Variants in RSU1 observed in about 807,000 individuals in gnomAD.
RSU1 encodes the protein Ras suppressor protein 1.
RSU1 carries 26 observed loss-of-function variants against 31.1 expected under a neutral mutation model. That is an observed-to-expected ratio of 0.84 (90% confidence interval 0.61 to 1.16). RSU1 has a LOEUF of 1.16. Ranked by LOEUF, RSU1 falls within the 50% of genes most tolerant of loss-of-function variation. The pLI is 0.00. For synonymous variants in RSU1, 164 were observed against 136.3 expected, an observed-to-expected ratio of 1.20 and a Z score of -1.41; for missense variants, 320 against 339.1, an observed-to-expected ratio of 0.94 and a Z score of 0.44.
intron 5 of RSU1, among the ~76,000 whole-genome samples, chr10:16,753,403 T>G (rs1837018828): frequency 6.6e-6 from 1 of 152,210 alleles, no homozygotes; most frequent in Non-Finnish European, 1.5e-5. Context: ...AAGGGTTCTT[T>G]CAAGAGAATA....
chr10:16,719,977 T>G (rs1441881850), intron 7 of RSU1, among the ~76,000 whole-genome samples: 1 of 152,182 alleles, frequency 6.6e-6, no homozygotes, highest in Admixed American at 6.5e-5. Flanking sequence ...TTGAGGTGCT[T>G]TGCAGCCAAG....
At chr10:16,641,289 A>C (rs535458309) in intron 8 of RSU1, among the ~76,000 whole-genome samples, 1 of 152,268 alleles carries the variant, frequency 6.6e-6, no homozygotes, top group South Asian at 2.1e-4. Flanking sequence ...GACTTTAAAA[A>C]GTTTCAGCCT....
intron 8 of RSU1, among the ~76,000 whole-genome samples, chr10:16,675,797 C>G (rs752462527): frequency 1.3e-4 from 20 of 152,194 alleles, no homozygotes; most frequent in Non-Finnish European, 2.6e-4. Context: ...AGCTGGCAGA[C>G]CTGACATCAC....
intron 8 of RSU1, among the ~76,000 whole-genome samples, chr10:16,674,024 C>T (rs904308646): frequency 2.0e-5 from 3 of 152,130 alleles, no homozygotes; most frequent in Non-Finnish European, 2.9e-5. Flanking sequence ...AGGCTCTCAG[C>T]AGCCAATATC....
At chr10:16,623,131 A>G (rs1834098459) in intron 8 of RSU1, among the ~76,000 whole-genome samples, 1 of 152,138 alleles carries the variant, frequency 6.6e-6, no homozygotes, top group Non-Finnish European at 1.5e-5. Context: ...TAATGAACCC[A>G]TTGACCATGT....
intron 8 of RSU1, among the ~76,000 whole-genome samples, chr10:16,629,265 G>A (rs1389933725): frequency 6.6e-6 from 1 of 152,040 alleles, no homozygotes; most frequent in Non-Finnish European, 1.5e-5. Context: ...TGCTGTTTGG[G>A]AGACCCTACT....
intron 8 of RSU1, among the ~76,000 whole-genome samples, chr10:16,626,611 C>G (rs993581419): frequency 6.6e-6 from 1 of 152,154 alleles, no homozygotes; most frequent in Admixed American, 6.5e-5. Context: ...TCAGACAGAT[C>G]AGAGTCTGAA....
Position 16,593,511 on chromosome 10 carries a change from A to G in RSU1, c.732-15T>C, listed in dbSNP as rs767786515. ...TGCCGTAGAGGCTGCAAAGACAGAGAAAGGACACTATCAGATCTATTTTGC... is the reference window on the plus strand; with the variant it reads ...TGCCGTAGAGGCTGCAAAGACAGAGGAAGGACACTATCAGATCTATTTTGC... On this transcript the variant is annotated splice_polypyrimidine_tract_variant and intron_variant, in intron 8 of 8. Transcript: ENST00000345264. 5.7e-6 allele frequency: 9 copies of G among 1,588,352 alleles called. No homozygotes were observed. Among genetic ancestry groups the G allele is most frequent in the Non-Finnish European group, 7.8e-6 (9 of 1,156,576 alleles).
chr10:16,805,094 G>A (rs1355424864), intron 2 of RSU1, among the ~76,000 whole-genome samples: 5 of 152,012 alleles, frequency 3.3e-5, no homozygotes, highest in Non-Finnish European at 7.4e-5. Context: ...CCAGCTACTC[G>A]GGAGGCTGAG....
chr10:16,624,501 T>C (rs72782553), intron 8 of RSU1, among the ~76,000 whole-genome samples: 19,254 of 152,010 alleles, frequency 0.13, 1,288 homozygotes, highest in Non-Finnish European at 0.16. Context: ...TGCCAGGTGG[T>C]CCGTAACCAC....
intron 8 of RSU1, among the ~76,000 whole-genome samples, chr10:16,639,147 A>G (rs548843915): frequency 3.9e-5 from 6 of 152,204 alleles, no homozygotes; most frequent in Non-Finnish European, 7.3e-5. Context: ...ATTATGTATA[A>G]ATTATTAAGT....
At chr10:16,622,600 A>T (rs1169134807) in intron 8 of RSU1, among the ~76,000 whole-genome samples, 2 of 152,164 alleles carry the variant, frequency 1.3e-5, no homozygotes, top group Non-Finnish European at 2.9e-5. Flanking sequence ...ACTCAGTGAG[A>T]ATAGATATGG....
intron 7 of RSU1, among the ~76,000 whole-genome samples, chr10:16,709,785 A>G (rs1184144470): frequency 6.6e-6 from 1 of 152,094 alleles, no homozygotes; most frequent in Non-Finnish European, 1.5e-5. Context: ...TTGGCTGCAT[A>G]AATGTCTTCT....
At chr10:16,730,866 C>A (rs1358491453) in intron 7 of RSU1, among the ~76,000 whole-genome samples, 1 of 152,120 alleles carries the variant, frequency 6.6e-6, no homozygotes, top group African/African-American at 2.4e-5. Flanking sequence ...CTCTGTCGCC[C>A]AGACTGCAGT....
intron 8 of RSU1, among the ~76,000 whole-genome samples, chr10:16,619,817 T>C (rs1834038233): frequency 6.6e-6 from 1 of 152,228 alleles, no homozygotes; most frequent in African/African-American, 2.4e-5. Context: ...TTGCAACCCA[T>C]TTAGAAATTC....
At chr10:16,769,324 G>A (rs1001777589) in intron 3 of RSU1, among the ~76,000 whole-genome samples, 24 of 152,248 alleles carry the variant, frequency 1.6e-4, no homozygotes, top group African/African-American at 5.5e-4. Context: ...ATATGCAGCT[G>A]TTTGAATTTA....
At chr10:16,690,991 G>A (rs1340639604) in intron 8 of RSU1, among the ~76,000 whole-genome samples, 2 of 152,210 alleles carry the variant, frequency 1.3e-5, no homozygotes, top group Non-Finnish European at 2.9e-5. Context: ...GAAGTATGCG[G>A]CTTAAACAAC....
intron 7 of RSU1, among the ~76,000 whole-genome samples, chr10:16,749,621 C>T (rs1836932207): frequency 6.6e-6 from 1 of 151,894 alleles, no homozygotes; most frequent in South Asian, 2.1e-4. Flanking sequence ...GTTGGGGACA[C>T]AAAAAAACCA....
rs560025629 is a variant in RSU1, at chr10:16,763,455, G to A, written c.281+935C>T. ...GTGCTACGCACTTTTAAACAACCAG[G>A]TCTCACAGTAACTCACTCACTATCA... On this transcript the variant is annotated intron_variant, in intron 4 of 8. Coordinates refer to ENST00000345264, the MANE Select transcript of RSU1 (RefSeq NM_012425.4). Among the ~76,000 whole-genome samples the A allele has an allele frequency of 1.2e-4, 19 of 152,214 alleles. No individual in the cohort carries two copies. In the South Asian group the frequency reaches 2.3e-3, roughly 18 times the overall value.
Sources: allele counts gnomAD v4.1 joint callset (sites outside exome capture counted in the v4.1 genomes callset), GRCh38; gene constraint gnomAD v4.1.1; transcripts MANE v1.5; gene names NCBI Gene and HGNC (gene_info 2026-07-23, HGNC 2026-07-21).